The following GRM4 variants were observed in gnomAD, a reference collection of about 807,000 sequenced individuals.
GRM4 encodes metabotropic glutamate receptor 4.
A neutral mutation model predicts 81.7 loss-of-function variants in GRM4; 28 were observed. The ratio of observed to expected loss-of-function variants is 0.34; its 90% CI spans 0.25 to 0.47. The LOEUF (loss-of-function observed/expected upper bound fraction) is 0.47. Among genes scored for constraint, GRM4 ranks in the 20% least tolerant of loss-of-function variants. The pLI, the probability that GRM4 is intolerant of heterozygous loss-of-function variation, is 1.00. For missense variants in GRM4, 948 were observed against 1,290.0 expected, an observed-to-expected ratio of 0.73 and a Z score of 4.06; for synonymous variants, 488 against 528.8, an observed-to-expected ratio of 0.92 and a Z score of 1.06.
intron 6 of GRM4, 34 bp from the exon 7 acceptor site, chr6:34,040,782 G>T: frequency 6.4e-7 from 1 of 1,556,360 alleles, no homozygotes; most frequent in Non-Finnish European, 8.8e-7. Context: ...GGACACTCGT[G>T]AGGCCCACTG....
At chr6:34,103,437 C>T (rs1356342283) in intron 2 of GRM4, 10 of 663,956 alleles carry the variant, frequency 1.5e-5, no homozygotes, top group Admixed American at 1.1e-4. Context: ...GGAGGCGGCT[C>T]GATGCAGGCT....
chr6:34,029,208 C>A (rs899346264), intron 9 of GRM4, among the ~76,000 whole-genome samples: 111 of 152,176 alleles, frequency 7.3e-4, no homozygotes, highest in African/African-American at 2.5e-3. Context: ...CAGGCTAGGC[C>A]TCCTGGGTCT....
At position 34,068,495 on chromosome 6, in the gene GRM4, C is replaced by A. The variant is rs1381436672; in HGVS notation, c.737-6467G>T. Among the ~76,000 whole-genome samples, 2 of 152,064 alleles carry A rather than the reference C, an allele frequency of 1.3e-5. No individual in the cohort carries two copies. The highest frequency in any genetic ancestry group is 2.1e-4 in the South Asian group (1 of 4,824). The stretch of plus-strand genomic sequence containing the variant: ...CACTGTGCCTGGGATGCTCTCCTTG[C>A]AGCACTTCCCCATCCTCCCTGGCAT... On this transcript the variant is annotated intron_variant, in intron 3 of 10. Transcript: ENST00000538487. This position sits in a 1 kb window ranked among gnomAD's most constrained non-coding sequence, Gnocchi z 4.2.
rs138360275 is a variant in GRM4, at chr6:34,080,815, TTCTC to T, written c.736+11064_736+11067del. Among the ~76,000 whole-genome samples the T allele has an allele frequency of 0.21, 31,077 of 149,284 alleles. 3,892 individuals carry two copies. Among genetic ancestry groups the T allele is most frequent in the Admixed American group, 0.3 (4,553 of 14,944 alleles). ...TGAGGGATCCTGATCCACTTCTCTC[TTCTC>T]TCTCTCTCTCTCACACACACACACA... On this transcript the variant is annotated intron_variant, in intron 3 of 10. Transcript: ENST00000538487. This position sits in a 1 kb window ranked among gnomAD's most constrained non-coding sequence, Gnocchi z 5.4.
intron 3 of GRM4, among the ~76,000 whole-genome samples, chr6:34,065,288 A>G (rs1248861167): frequency 1.3e-5 from 2 of 152,044 alleles, no homozygotes; most frequent in Admixed American, 1.3e-4. Flanking sequence ...GGGCCACACG[A>G]CTAACACTCC....
In GRM4 at chr6:34,048,048, T is replaced by C. The variant is rs1363801944; in HGVS notation, c.1169-7300A>G. Among the ~76,000 whole-genome samples, 2 of 152,192 alleles carry C rather than the reference T, an allele frequency of 1.3e-5. No individual in the cohort carries two copies. The highest frequency in any genetic ancestry group is 4.8e-5 in the African/African-American group (2 of 41,450). ...CACAGCAGCAGAGAAGCCGTGTCTC[T>C]CAGACTGGGAGAGCTCACTTGGGGA... On this transcript the variant is annotated intron_variant, in intron 6 of 10. Coordinates refer to ENST00000538487, the MANE Select transcript of GRM4 (RefSeq NM_000841.4). This position sits in a 1 kb window ranked among gnomAD's most constrained non-coding sequence, Gnocchi z 4.0.
At position 34,068,253 on chromosome 6, in the gene GRM4, G is replaced by T. The variant is rs1394127052; in HGVS notation, c.737-6225C>A. ...AGCTGGAGAGGCAGAGGCTGGATCT[G>T]AACTCGGGTCTGACTATTCTCTAGG... On this transcript the variant is annotated intron_variant, in intron 3 of 10. Coordinates refer to ENST00000538487, the MANE Select transcript of GRM4 (RefSeq NM_000841.4). The surrounding 1 kb of genome is among the most constrained non-coding windows in gnomAD (Gnocchi z 4.2). Among the ~76,000 whole-genome samples the T allele has an allele frequency of 6.6e-6, 1 of 152,178 alleles. No individual in the cohort carries two copies. The highest frequency in any genetic ancestry group is 1.5e-5 in the Non-Finnish European group (1 of 68,030).
In GRM4 at chr6:34,152,032, A is replaced by G. The variant is rs1771057108; in HGVS notation, c.312+3047T>C. Among the ~76,000 whole-genome samples the G allele has an allele frequency of 6.6e-6, 1 of 152,120 alleles. No homozygotes were observed. The highest frequency in any genetic ancestry group is 6.5e-5 in the Admixed American group (1 of 15,268). On this transcript the variant is annotated intron_variant, in intron 1 of 8. Transcript: ENST00000374177. This position sits in a 1 kb window ranked among gnomAD's most constrained non-coding sequence, Gnocchi z 4.1. ...ATTGTGTCTGATGCCCCTGTCTTCC[A>G]AGCAAGCTCCAGGCCCCTTGGCACA... is the stretch of plus-strand genomic sequence containing the variant.
intron 1 of GRM4, among the ~76,000 whole-genome samples, chr6:34,139,689 C>T (rs1204518625): frequency 6.6e-6 from 1 of 152,234 alleles, no homozygotes; most frequent in Non-Finnish European, 1.5e-5. Context: ...AGGAAAGACT[C>T]AGTAACTGAC....
In GRM4 at chr6:34,124,186, C is replaced by T. The variant is rs745691198; in HGVS notation, c.519+8792G>A. ...CTTCTCCCTGATCCCCGGACTGTCTCGGACCCACATCTCAAGGTCCCCGCT... is the reference window on the plus strand; with the variant it reads ...CTTCTCCCTGATCCCCGGACTGTCTTGGACCCACATCTCAAGGTCCCCGCT... On this transcript the variant is annotated intron_variant, in intron 2 of 10. Coordinates refer to ENST00000538487, the MANE Select transcript of GRM4 (RefSeq NM_000841.4). Among the ~76,000 whole-genome samples the T allele has an allele frequency of 7.9e-5, 12 of 152,314 alleles. 1 individual carries two copies. The highest frequency in any genetic ancestry group is 1.0e-4 in the Non-Finnish European group (7 of 68,030).
intron 3 of GRM4, among the ~76,000 whole-genome samples, chr6:34,071,564 A>C (rs114367042): frequency 0.045 from 23 of 508 alleles, no homozygotes; most frequent in East Asian, 0.077. Context: ...CACACAGATA[A>C]ACACCACACA....
chr6:34,153,868 A>G (rs976642174), intron 1 of GRM4, among the ~76,000 whole-genome samples: 4 of 151,572 alleles, frequency 2.6e-5, no homozygotes, highest in Admixed American at 6.6e-5. Context: ...CAGAGATTGC[A>G]ATGAACCAAG....
At chr6:34,088,778 T>A (rs1208877676) in intron 3 of GRM4, among the ~76,000 whole-genome samples, 1 of 152,248 alleles carries the variant, frequency 6.6e-6, no homozygotes, top group Non-Finnish European at 1.5e-5. Context: ...GCCACATGGT[T>A]ATTACCAGGA....
At chr6:34,113,714 G>A (rs1769478806) in intron 2 of GRM4, among the ~76,000 whole-genome samples, 1 of 152,230 alleles carries the variant, frequency 6.6e-6, no homozygotes, top group African/African-American at 2.4e-5. Context: ...GGAGAAGGGA[G>A]GAAGGAGTGG....
Position 34,034,642 on chromosome 6 carries a change from T to C in GRM4, c.2442+1026A>G, listed in dbSNP as rs145811630. ...TTCCTCAGCTCCACACTCCTTACAG[T>C]GTATTAACTGTTTGTGCACCCACTG... On this transcript the variant is annotated intron_variant, in intron 9 of 10. Coordinates refer to ENST00000538487, the MANE Select transcript of GRM4 (RefSeq NM_000841.4). The surrounding 1 kb of genome is among the most constrained non-coding windows in gnomAD (Gnocchi z 4.0). Among the ~76,000 whole-genome samples the C allele has an allele frequency of 1.4e-4, 21 of 152,308 alleles. No individual in the cohort carries two copies. Among genetic ancestry groups the C allele is most frequent in the Non-Finnish European group, 1.3e-4 (9 of 68,030 alleles).
intron 2 of GRM4, among the ~76,000 whole-genome samples, chr6:34,104,958 C>T (rs115163421): frequency 0.045 from 6,782 of 152,120 alleles, 310 homozygotes; most frequent in African/African-American, 0.12. Flanking sequence ...TCTGGGGTGT[C>T]GGTAACTGCA....
chr6:34,028,279 T>C lies in GRM4; in HGVS notation c.2530A>G (p.Ile844Val), dbSNP rs1359167462. 2 of 1,613,974 alleles carry C rather than the reference T, an allele frequency of 1.2e-6. No individual in the cohort carries two copies. Among genetic ancestry groups the C allele is most frequent in the Admixed American group, 1.7e-5 (1 of 60,030 alleles). The change falls in exon 10 of 11, where the codon ATC (isoleucine) becomes GTC (valine). Residue 844 changes from isoleucine (I) to valine (V), a missense_variant. Physicochemically the swap from Ile to Val is conservative, Grantham distance 29. Coordinates refer to ENST00000538487, the MANE Select transcript of GRM4 (RefSeq NM_000841.4). ...LGMLYMPKVY[I>V]ILFHPEQNVP... is the part of the protein sequence containing the mutation. ...TTCTGCTCCGGGTGGAAGAGGATGA[T>C]GTAGACTTTGGGCATGTAGAGCATT...
chr6:34,028,980 C>G (rs1034735863), intron 9 of GRM4, among the ~76,000 whole-genome samples: 1 of 152,212 alleles, frequency 6.6e-6, no homozygotes, highest in Non-Finnish European at 1.5e-5. Context: ...CATGCTCGCT[C>G]GCCAGCACTA....
chr6:34,036,202 G>A lies in GRM4; in HGVS notation c.1908C>T (p.Cys636=), dbSNP rs1382726682. Reference sequence around the variant, plus strand: ...CGATCATGAGGAAGGTGGTGGCATAGCACAGGAAGATGCCTGCCAGCAGCA... The same window carrying A: ...CGATCATGAGGAAGGTGGTGGCATAACACAGGAAGATGCCTGCCAGCAGCA... ...SYVLLAGIFL[C]YATTFLMIAE... is the part of the protein sequence containing the mutation. The change falls in exon 9 of 11, where the codon TGC becomes TGT. Residue 636 remains cysteine (C), a synonymous_variant. Transcript: ENST00000538487. The surrounding 1 kb of genome is among the most constrained non-coding windows in gnomAD (Gnocchi z 9.0). 2 of 1,614,190 alleles carry A rather than the reference G, an allele frequency of 1.2e-6. No homozygotes were observed. The highest frequency in any genetic ancestry group is 2.2e-5 in the South Asian group (2 of 91,088).
Sources: gnomAD v4.1 joint callset for allele counts (sites outside exome capture counted in the v4.1 genomes callset) on GRCh38, gnomAD v4.1.1 for gene constraint, Gnocchi (gnomAD v3.1) non-coding constraint, MANE v1.5 for transcripts, NCBI Gene and HGNC (gene_info 2026-07-23, HGNC 2026-07-21) for gene names.